Variants in SAP130 observed in about 807,000 individuals in gnomAD.
SAP130 encodes histone deacetylase complex subunit SAP130.
Under a neutral mutation model 103.2 loss-of-function variants are expected in SAP130, and 16 were observed. The ratio of observed to expected loss-of-function variants is 0.16; its 90% CI spans 0.10 to 0.24. SAP130 has a LOEUF of 0.24. Ranked by LOEUF, SAP130 falls within the 10% of genes least tolerant of loss-of-function variation. The probability of loss-of-function intolerance (pLI) is 1.00; values close to 1 mark genes in which losing one functional copy is unlikely to be tolerated. For synonymous variants in SAP130, 477 were observed against 497.0 expected (o/e 0.96, Z 0.53); for missense variants, 990 against 1,359.7 (o/e 0.73, Z 4.28).
intron 1 of SAP130, chr2:128,027,091 C>G (rs373289709): frequency 1.4e-6 from 2 of 1,434,154 alleles, no homozygotes; most frequent in Non-Finnish European, 1.9e-6. Context: ...TGCCTCTTTA[C>G]CTGTAGCCGC....
intron 18 of SAP130, among the ~76,000 whole-genome samples, chr2:127,947,798 G>GTGTGTGTGTGTGTGTA (rs1456529641): frequency 1.3e-5 from 2 of 151,708 alleles, no homozygotes; most frequent in Non-Finnish European, 2.9e-5. Flanking sequence ...GTGTGTGTGT[G>GTGTGTGTGTGTGTGTA]TGTTTTGAGA....
rs537931688 is a variant in SAP130 at position 128,013,949 on chromosome 2, A to G, written c.620-795T>C. Among the ~76,000 whole-genome samples the G allele has an allele frequency of 7.9e-5, 12 of 152,314 alleles. No homozygotes were observed. The South Asian group carries it at 2.1e-3, about 26-fold the overall frequency. On this transcript the variant is annotated intron_variant, in intron 5 of 20. Transcript: ENST00000643581. ...TATTGTTACATAAGTTAAAAAACTGAGTAAAGATCATCACTGAACTTTAAA... is the reference window on the plus strand; with the variant it reads ...TATTGTTACATAAGTTAAAAAACTGGGTAAAGATCATCACTGAACTTTAAA...
In SAP130 at chr2:127,977,918, T is replaced by TA. The variant is rs1390694644; in HGVS notation, c.2063+66dup. The TA allele has an allele frequency of 2.5e-6, 3 of 1,188,528 alleles. No homozygotes were observed. The African/African-American group carries it at 4.6e-5, about 18-fold the overall frequency. The allele number at this position is 1,188,528 out of a possible 1,614,324, so 73.6% of individuals were successfully genotyped here. A position where few individuals can be genotyped will look rare whatever the true frequency, so the allele number is the denominator to read the frequency against. ...ACAAGACTATGTCATGCAGGAATAT[T>TA]AGACTCTCCCCAACTGCAACGATGT... On this transcript the variant is annotated intron_variant, in intron 15 of 20. Coordinates refer to ENST00000643581, the MANE Select transcript of SAP130 (RefSeq NM_001330301.2).
Position 128,000,509 on chromosome 2 carries a change from C to G in SAP130, c.870-55G>C, listed in dbSNP as rs140167681. On this transcript the variant is annotated intron_variant, in intron 7 of 20. Transcript: ENST00000643581. The stretch of plus-strand genomic sequence containing the variant: ...TGGGCAAGGTCATTTACAATCTTCT[C>G]CTAGGTTAGTCATGCAAGTTATACT... 797 of 1,599,648 alleles carry G rather than the reference C, an allele frequency of 5.0e-4. 6 individuals are homozygous for G. In the South Asian group the frequency reaches 6.5e-3, roughly 13 times the overall value.
rs202031513 is a variant in SAP130, at chr2:127,950,281, A to G, written c.2550T>C (p.His850=). The G allele has an allele frequency of 5.4e-5, 87 of 1,614,172 alleles. No homozygotes were observed. In the South Asian group the frequency reaches 5.5e-4, roughly 10 times the overall value. Residue 850 remains histidine, a synonymous_variant, in exon 17 of 21, where the codon CAT becomes CAC. Transcript: ENST00000643581. ...SPRKKPRKQQ[H]VISTEEGDMM... is the part of the protein sequence containing the mutation. Reference sequence around the variant, plus strand: ...TGTCACCTTCTTCTGTTGAGATCACATGCTGTTGCTTTCGAGGCTTTTTCC... The same window carrying G: ...TGTCACCTTCTTCTGTTGAGATCACGTGCTGTTGCTTTCGAGGCTTTTTCC...
At chr2:127,999,096 T>C (rs1275002974) in intron 10 of SAP130, among the ~76,000 whole-genome samples, 1 of 152,218 alleles carries the variant, frequency 6.6e-6, no homozygotes. Flanking sequence ...TGAGCAGTGA[T>C]GCAGAAAAGA....
At chr2:127,950,096 C>CCT in intron 17 of SAP130, 64 bp downstream of exon 17, 1 of 1,609,386 alleles carries the variant, frequency 6.2e-7, no homozygotes, top group Admixed American at 1.7e-5. Flanking sequence ...ATGTAACGAG[C>CCT]CTCTGGGTTG....
intron 1 of SAP130, chr2:128,026,974 G>A (rs2105275329): frequency 1.0e-6 from 1 of 991,746 alleles, no homozygotes; most frequent in South Asian, 4.2e-5. Flanking sequence ...AGCCCCCGCT[G>A]AGACCGGAGG....
intron 2 of SAP130, among the ~76,000 whole-genome samples, chr2:128,018,853 T>G (rs1442896569): frequency 6.6e-6 from 1 of 151,756 alleles, no homozygotes; most frequent in Non-Finnish European, 1.5e-5. Context: ...CCTAGCACTT[T>G]GGGAAACCAA....
intron 1 of SAP130, chr2:128,027,236 C>A: frequency 8.4e-7 from 1 of 1,195,830 alleles, no homozygotes. Flanking sequence ...CGCTGCTGTC[C>A]AGCCCCGCTG....
At chr2:127,957,847 G>A (rs1161280894) in intron 15 of SAP130, among the ~76,000 whole-genome samples, 2 of 151,890 alleles carry the variant, frequency 1.3e-5, no homozygotes, top group Non-Finnish European at 2.9e-5. Flanking sequence ...AAATAAGAGA[G>A]AAAAAATAAA....
chr2:128,018,991 G>T (rs530820583), intron 2 of SAP130, among the ~76,000 whole-genome samples: 1 of 151,842 alleles, frequency 6.6e-6, no homozygotes, highest in South Asian at 2.1e-4. Context: ...TCAGCTACTA[G>T]GGAAGATGAG....
intron 7 of SAP130, 58 bp from the exon 8 acceptor site, chr2:128,000,512 A>C (rs1683482282): frequency 1.3e-6 from 2 of 1,596,268 alleles, no homozygotes; most frequent in Admixed American, 3.4e-5. Flanking sequence ...ATCTTCTCCT[A>C]GGTTAGTCAT....
chr2:128,019,239 A>T (rs1352441584), intron 2 of SAP130, among the ~76,000 whole-genome samples: 1 of 152,108 alleles, frequency 6.6e-6, no homozygotes, highest in Non-Finnish European at 1.5e-5. Context: ...GTCTACCAGA[A>T]GACAATCTAT....
intron 15 of SAP130, among the ~76,000 whole-genome samples, chr2:127,963,225 T>A (rs1024017742): frequency 1.3e-5 from 2 of 152,020 alleles, no homozygotes; most frequent in African/African-American, 4.8e-5. Flanking sequence ...TTTTACTGAG[T>A]CAAATTTCTC....
At position 127,941,564 on chromosome 2, in the gene SAP130, C is replaced by A. The variant is rs770775647; in HGVS notation, c.*442G>T. 8.7e-4 allele frequency: 137 copies of A among 157,112 alleles called. 1 individual carries two copies. Among genetic ancestry groups the A allele is most frequent in the Non-Finnish European group, 2.7e-4 (19 of 71,380 alleles). The allele number at this position is 157,112 out of a possible 1,614,324, so 9.7% of individuals were successfully genotyped here. A position where few individuals can be genotyped will look rare whatever the true frequency, so the allele number is the denominator to read the frequency against. On this transcript the variant is annotated 3_prime_UTR_variant, in exon 21 of 21. Coordinates refer to ENST00000643581, the MANE Select transcript of SAP130 (RefSeq NM_001330301.2). The stretch of plus-strand genomic sequence containing the variant: ...GCATTTGAAGGTCAGGCAGAAGAAC[C>A]GAATGGGGTGGGTGGAAGAGGTTTT...
chr2:127,997,125 C>T (rs965763900), intron 10 of SAP130, among the ~76,000 whole-genome samples: 1 of 152,172 alleles, frequency 6.6e-6, no homozygotes, highest in Non-Finnish European at 1.5e-5. Flanking sequence ...GAATGTCCTA[C>T]GATTTTATAT....
chr2:127,985,581 C>T (rs571647160), intron 14 of SAP130, among the ~76,000 whole-genome samples: 2 of 152,204 alleles, frequency 1.3e-5, no homozygotes, highest in South Asian at 4.2e-4. Context: ...CTATCTGCTA[C>T]CAAATATGAC....
chr2:128,000,195 T>C (rs773435123), intron 8 of SAP130, 49 bp from the exon 9 acceptor site: 2 of 1,610,228 alleles, frequency 1.2e-6, no homozygotes, highest in Admixed American at 1.7e-5. Context: ...ATCCACTGCG[T>C]CCAGGGTAAA....
Sources: allele counts gnomAD v4.1 joint callset (sites outside exome capture counted in the v4.1 genomes callset), GRCh38; gene constraint gnomAD v4.1.1; transcripts MANE v1.5; gene names NCBI Gene and HGNC (gene_info 2026-07-23, HGNC 2026-07-21).